Variants in TEX9 observed in about 807,000 individuals in gnomAD.
TEX9 encodes the protein testis expressed 9, also known as testis-expressed protein 9.
TEX9 carries 74 observed loss-of-function variants against 59.6 expected under a neutral mutation model. The ratio of observed to expected loss-of-function variants is 1.24; its 90% CI spans 1.03 to 1.51. The LOEUF is 1.51. Ranked by LOEUF, TEX9 falls within the 40% of genes most tolerant of loss-of-function variation. The pLI is 0.00. For synonymous variants in TEX9, 186 were observed against 152.2 expected, an observed-to-expected ratio of 1.22 and a Z score of -1.64; for missense variants, 522 against 447.8, an observed-to-expected ratio of 1.17 and a Z score of -1.49.
intron 4 of TEX9, 102 bp downstream of exon 4, chr15:56,384,133 A>C (rs1351713390): frequency 1.1e-6 from 1 of 894,726 alleles, no homozygotes; most frequent in African/African-American, 1.7e-5. Context: ...CTATAATTTG[A>C]AGAATAATGT....
intron 3 of TEX9, chr15:56,374,708 C>T (rs1357683468): frequency 2.0e-5 from 3 of 152,064 alleles, no homozygotes; most frequent in African/African-American, 7.2e-5. Flanking sequence ...CCCCCATTAC[C>T]CTTCCCAGTC....
At chr15:56,386,171 C>A (rs1567114030) in intron 4 of TEX9, among the ~76,000 whole-genome samples, 1 of 151,892 alleles carries the variant, frequency 6.6e-6, no homozygotes, top group Non-Finnish European at 1.5e-5. Context: ...GTGAAAGAAG[C>A]CAGGCTAAAA....
chr15:56,244,418 C>T (rs1209447058), intron 1 of TEX9: 1 of 152,174 alleles, frequency 6.6e-6, no homozygotes, highest in African/African-American at 2.4e-5. Context: ...GCATTCAAAG[C>T]CCTCCAAATC....
chr15:56,368,701 G>A (rs1168897483), intron 2 of TEX9, among the ~76,000 whole-genome samples: 1 of 152,116 alleles, frequency 6.6e-6, no homozygotes, highest in African/African-American at 2.4e-5. Context: ...AGCATAAACT[G>A]AGTCTATGGT....
intron 3 of TEX9, among the ~76,000 whole-genome samples, chr15:56,376,830 C>G (rs2718916): frequency 0.032 from 4,803 of 152,192 alleles, 186 homozygotes; most frequent in East Asian, 0.097. Flanking sequence ...TTTGTCTACT[C>G]CAATGTCCTG....
chr15:56,246,578 G>T (rs1219199492), intron 1 of TEX9, among the ~76,000 whole-genome samples: 2 of 152,108 alleles, frequency 1.3e-5, no homozygotes, highest in Non-Finnish European at 2.9e-5. Flanking sequence ...ATATTATGTG[G>T]GTTCCTTTGA....
chr15:56,397,305 G>A (rs138316850), intron 9 of TEX9: 8,977 of 155,318 alleles, frequency 0.058, 672 homozygotes, highest in East Asian at 0.37. Flanking sequence ...GGTATCTGGT[G>A]GAACAAATTT....
intron 1 of TEX9, among the ~76,000 whole-genome samples, chr15:56,304,447 A>G (rs556262329): frequency 3.3e-4 from 51 of 152,284 alleles, no homozygotes; most frequent in African/African-American, 1.2e-3. Context: ...GAGGGTTTTT[A>G]TGAAATGATG....
chr15:56,255,729 C>A (rs1235112681), intron 1 of TEX9, among the ~76,000 whole-genome samples: 3 of 151,662 alleles, frequency 2.0e-5, no homozygotes, highest in Admixed American at 2.0e-4. Context: ...ATCTTTATAA[C>A]CTATAAAGTG....
intron 1 of TEX9, among the ~76,000 whole-genome samples, chr15:56,328,244 G>C (rs2046067397): frequency 6.6e-6 from 1 of 151,988 alleles, no homozygotes; most frequent in South Asian, 2.1e-4. Flanking sequence ...GGCCAAAACG[G>C]AACCTGCTGC....
At chr15:56,414,324 C>T (rs2049556293) in intron 10 of TEX9, among the ~76,000 whole-genome samples, 1 of 151,552 alleles carries the variant, frequency 6.6e-6, no homozygotes, top group South Asian at 2.1e-4. Flanking sequence ...GTTTGTTGCA[C>T]ATATATTTCA....
rs954730311 is a variant in TEX9, at chr15:56,269,421, C to T, written c.-107+25143C>T. On this transcript the variant is annotated intron_variant, in intron 1 of 5. Transcript: ENST00000560827. The stretch of plus-strand genomic sequence containing the variant: ...TCTTTTAATTGTGATGTTAGGGTGT[C>T]GATTTTAGATCTTTCCTGCTTTCTC... Among the ~76,000 whole-genome samples, 12 of 152,066 alleles carry T rather than the reference C, an allele frequency of 7.9e-5. No individual in the cohort carries two copies. The South Asian group carries it at 2.1e-3, about 26-fold the overall frequency.
At chr15:56,248,018 G>A (rs1163059683) in intron 1 of TEX9, among the ~76,000 whole-genome samples, 2 of 152,122 alleles carry the variant, frequency 1.3e-5, no homozygotes, top group African/African-American at 4.8e-5. Context: ...AGAAAGTGAT[G>A]GATAATTTCT....
chr15:56,299,585 C>A (rs1209188084), intron 1 of TEX9, among the ~76,000 whole-genome samples: 1 of 152,140 alleles, frequency 6.6e-6, no homozygotes, highest in African/African-American at 2.4e-5. Context: ...TCACCTCTCC[C>A]CTAAACCCAG....
intron 1 of TEX9, among the ~76,000 whole-genome samples, chr15:56,312,076 T>A (rs1481536728): frequency 1.3e-5 from 2 of 150,856 alleles, no homozygotes; most frequent in Non-Finnish European, 3.0e-5. Context: ...TGCGAAAATT[T>A]TCTCCCATTT....
chr15:56,405,057 T>G (rs1464809843), intron 9 of TEX9, among the ~76,000 whole-genome samples: 1 of 151,850 alleles, frequency 6.6e-6, no homozygotes, highest in African/African-American at 2.4e-5. Flanking sequence ...GTGCAGCAAA[T>G]CAACATGATA....
chr15:56,279,873 CT>C (rs2044773491), intron 1 of TEX9, among the ~76,000 whole-genome samples: 1 of 152,192 alleles, frequency 6.6e-6, no homozygotes, highest in Non-Finnish European at 1.5e-5. Flanking sequence ...AGTCTCCCAA[CT>C]TACAATGCTT....
At chr15:56,434,069 T>A in intron 12 of TEX9, 2 of 1,475,626 alleles carry the variant, frequency 1.4e-6, no homozygotes, top group South Asian at 2.6e-5. Context: ...AGTAAATGTT[T>A]AGTGGATGAT....
At chr15:56,384,105 A>T in intron 4 of TEX9, 74 bp downstream of exon 4, 1 of 1,188,108 alleles carries the variant, frequency 8.4e-7, no homozygotes, top group Non-Finnish European at 1.2e-6. Flanking sequence ...TCTTTTTTGC[A>T]TGCAAACATT....
Sources: gnomAD v4.1 joint callset for allele counts (sites outside exome capture counted in the v4.1 genomes callset) on GRCh38, gnomAD v4.1.1 for gene constraint, MANE v1.5 for transcripts, NCBI Gene and HGNC (gene_info 2026-07-23, HGNC 2026-07-21) for gene names.